PRKN: variants seen among roughly 807,000 people sequenced by gnomAD.
The protein encoded by PRKN is parkin RBR E3 ubiquitin protein ligase, also known as E3 ubiquitin-protein ligase parkin.
Under a neutral mutation model 59.5 loss-of-function variants are expected in PRKN, and 56 were observed. The ratio of observed to expected loss-of-function variants is 0.94; its 90% CI spans 0.76 to 1.18. The LOEUF (loss-of-function observed/expected upper bound fraction) is 1.18. PRKN is among the 50% of genes most tolerant of loss of function. The probability of loss-of-function intolerance (pLI) is 0.00; values close to 1 mark genes in which losing one functional copy is unlikely to be tolerated. For synonymous variants in PRKN, 250 were observed against 222.1 expected (o/e 1.13, Z -1.12); for missense variants, 657 against 596.4 (o/e 1.10, Z -1.06).
intron 1 of PRKN, among the ~76,000 whole-genome samples, chr6:162,590,322 AAAAG>A (rs1469319244): frequency 3.9e-5 from 6 of 152,230 alleles, no homozygotes; most frequent in Middle Eastern, 3.2e-3. Context: ...TTTCCAAATG[AAAAG>A]AAAGTATCTG....
At chr6:162,232,553 T>C (rs1346285993) in intron 3 of PRKN, among the ~76,000 whole-genome samples, 1 of 152,202 alleles carries the variant, frequency 6.6e-6, no homozygotes, top group Non-Finnish European at 1.5e-5. Context: ...AGGATAGGCA[T>C]ATAATGGAGC....
At chr6:161,990,965 T>C (rs1340071316) in intron 5 of PRKN, among the ~76,000 whole-genome samples, 1 of 152,146 alleles carries the variant, frequency 6.6e-6, no homozygotes, top group Non-Finnish European at 1.5e-5. Flanking sequence ...GTCAGACTGT[T>C]AAAAGTTAAA....
chr6:162,432,859 A>C (rs975636700), intron 2 of PRKN, among the ~76,000 whole-genome samples: 1 of 152,138 alleles, frequency 6.6e-6, no homozygotes, highest in Non-Finnish European at 1.5e-5. Flanking sequence ...AATGGTAAGT[A>C]CTCCTGCAAA....
At chr6:161,702,703 C>G (rs546027222) in intron 7 of PRKN, among the ~76,000 whole-genome samples, 1 of 152,054 alleles carries the variant, frequency 6.6e-6, no homozygotes, top group African/African-American at 2.4e-5. Flanking sequence ...TAATTTTAGG[C>G]TATGTATATT....
intron 6 of PRKN, among the ~76,000 whole-genome samples, chr6:161,945,243 G>A (rs1375214778): frequency 6.6e-6 from 1 of 152,044 alleles, no homozygotes; most frequent in Non-Finnish European, 1.5e-5. Context: ...TCAATCTTTT[G>A]TTTGTCCTGG....
intron 2 of PRKN, among the ~76,000 whole-genome samples, chr6:162,339,003 A>C (rs1431347649): frequency 1.6e-5 from 2 of 123,540 alleles, no homozygotes; most frequent in African/African-American, 6.4e-5. Flanking sequence ...AAGTGAGGAG[A>C]CCCTCTGCCC....
chr6:162,307,958 C>A (rs1387960004), intron 2 of PRKN, among the ~76,000 whole-genome samples: 1 of 152,212 alleles, frequency 6.6e-6, no homozygotes, highest in African/African-American at 2.4e-5. Flanking sequence ...ATTTGTCAAG[C>A]TGGTCATTGT....
intron 7 of PRKN, among the ~76,000 whole-genome samples, chr6:161,628,267 T>C (rs1332428134): frequency 3.3e-5 from 5 of 152,214 alleles, no homozygotes; most frequent in African/African-American, 2.4e-5. Context: ...CAAGATACTA[T>C]AGACTGGATG....
At chr6:161,476,068 T>C (rs965259805) in intron 9 of PRKN, among the ~76,000 whole-genome samples, 3 of 151,632 alleles carry the variant, frequency 2.0e-5, no homozygotes, top group Non-Finnish European at 2.9e-5. Context: ...GCGCCTGTAG[T>C]CCCAGCTACT....
At chr6:162,466,912 C>T (rs1250253179) in intron 1 of PRKN, among the ~76,000 whole-genome samples, 1 of 151,948 alleles carries the variant, frequency 6.6e-6, no homozygotes, top group African/African-American at 2.4e-5. Context: ...CACTGGTTAC[C>T]TCGTTTCAAT....
chr6:161,770,092 C>T lies in PRKN; in HGVS notation c.871+15680G>A, dbSNP rs541299926. On this transcript the variant is annotated intron_variant, in intron 7 of 11. Transcript: ENST00000366898. ...GTTAGGAGGATCCATCCTGAAACGT[C>T]TGCTAGTGAGTCTAGATTTTCAAAT... 2.0e-5 allele frequency among the ~76,000 whole-genome samples: 3 copies of T among 152,246 alleles called. No homozygotes were observed. In the East Asian group the frequency reaches 5.8e-4, roughly 30 times the overall value.
At chr6:162,669,130 C>T (rs563525544) in intron 1 of PRKN, among the ~76,000 whole-genome samples, 1 of 152,210 alleles carries the variant, frequency 6.6e-6, no homozygotes, top group South Asian at 2.1e-4. Context: ...ATACCATCTA[C>T]TATTTCCCAG....
intron 4 of PRKN, among the ~76,000 whole-genome samples, chr6:162,155,669 G>T (rs1782481044): frequency 6.6e-6 from 1 of 152,126 alleles, no homozygotes; most frequent in Non-Finnish European, 1.5e-5. Context: ...GAATTAAAAT[G>T]TTGACTATTA....
rs183288429 is a variant in PRKN, at chr6:161,837,953, C to T, written c.735-52045G>A. Among the ~76,000 whole-genome samples the T allele has an allele frequency of 1.8e-4, 28 of 152,250 alleles. No homozygotes were observed. The Middle Eastern group carries it at 0.01, about 55-fold the overall frequency. ...CTGAGCTGCTGAATCATAGGAAGGA[C>T]AGGAAACTCTACCTCAAGTCATGAG... is the stretch of plus-strand genomic sequence containing the variant. On this transcript the variant is annotated intron_variant, in intron 6 of 11. Coordinates refer to ENST00000366898, the MANE Select transcript of PRKN (RefSeq NM_004562.3).
chr6:162,391,213 C>A (rs1787169805), intron 2 of PRKN, among the ~76,000 whole-genome samples: 1 of 152,148 alleles, frequency 6.6e-6, no homozygotes, highest in African/African-American at 2.4e-5. Context: ...CGAACATCTG[C>A]AATGACTTCA....
In PRKN at chr6:162,678,219, T is replaced by C. The variant is rs1779626480; in HGVS notation, c.7+49443A>G. The stretch of plus-strand genomic sequence containing the variant: ...ATTCACCTGTTGATGGTTATTGGAG[T>C]TATTTTCAGTCTTTGTCTATTACAA... On this transcript the variant is annotated intron_variant, in intron 1 of 11. Coordinates refer to ENST00000366898, the MANE Select transcript of PRKN (RefSeq NM_004562.3). Among the ~76,000 whole-genome samples, 3 of 152,356 alleles carry C rather than the reference T, an allele frequency of 2.0e-5. No homozygotes were observed. In the South Asian group the frequency reaches 6.2e-4, roughly 32 times the overall value.
intron 7 of PRKN, among the ~76,000 whole-genome samples, chr6:161,704,047 G>C (rs901668257): frequency 6.6e-6 from 1 of 151,754 alleles, no homozygotes; most frequent in Non-Finnish European, 1.5e-5. Flanking sequence ...GTTAAGACAG[G>C]GTTTCACCAT....
At chr6:161,577,438 A>G (rs914413143) in intron 7 of PRKN, among the ~76,000 whole-genome samples, 1 of 152,260 alleles carries the variant, frequency 6.6e-6, no homozygotes, top group Admixed American at 6.5e-5. Flanking sequence ...TAAAAATTCA[A>G]TAACGTATAG....
At chr6:161,893,427 T>C (rs1185007300) in intron 6 of PRKN, among the ~76,000 whole-genome samples, 2 of 152,180 alleles carry the variant, frequency 1.3e-5, no homozygotes, top group South Asian at 2.1e-4. Context: ...AAGTATCCTA[T>C]AGATGCCTAA....
Sources: gnomAD v4.1 joint callset for allele counts (sites outside exome capture counted in the v4.1 genomes callset) on GRCh38, gnomAD v4.1.1 for gene constraint, MANE v1.5 for transcripts, NCBI Gene and HGNC (gene_info 2026-07-23, HGNC 2026-07-21) for gene names.